Variants in RADX observed in about 807,000 individuals in gnomAD.
The protein encoded by RADX is RPA-related protein RADX.
RADX carries 36 observed loss-of-function variants against 61.6 expected under a neutral mutation model. The observed-to-expected ratio is 0.58, with a 90% CI of 0.45 to 0.77. The LOEUF (loss-of-function observed/expected upper bound fraction) is 0.77, where lower values mean the gene tolerates loss of function less well. Ranked by LOEUF, RADX falls within the 30% of genes least tolerant of loss-of-function variation. The probability of loss-of-function intolerance (pLI) is 0.00; values close to 1 mark genes in which losing one functional copy is unlikely to be tolerated. For missense variants in RADX, 497 were observed against 651.1 expected, an observed-to-expected ratio of 0.76 and a Z score of 2.58; for synonymous variants, 272 against 237.9, an observed-to-expected ratio of 1.14 and a Z score of -1.32.
At chrX:106,630,314 T>C (rs1289954485) in intron 3 of RADX, among the ~76,000 whole-genome samples, 1 of 96,723 alleles carries the variant, frequency 1.0e-5, no homozygotes. Flanking sequence ...GACAGAGCAA[T>C]ACCAACAACA....
intron 10 of RADX, among the ~76,000 whole-genome samples, chrX:106,646,722 T>A (rs1927667695): frequency 9.0e-6 from 1 of 111,181 alleles, no homozygotes; most frequent in Admixed American, 9.6e-5. Flanking sequence ...GCGTGAAGGT[T>A]TAAAGCACCA....
intron 11 of RADX, among the ~76,000 whole-genome samples, chrX:106,660,047 G>T (rs1203472575): frequency 1.8e-5 from 2 of 111,406 alleles, no homozygotes; most frequent in African/African-American, 6.5e-5. Context: ...GTTTAATATG[G>T]GTTAGATCAT....
chrX:106,639,793 TA>T (rs1927460058), intron 9 of RADX, 106 bp downstream of exon 9: 2 of 620,305 alleles, frequency 3.2e-6, no homozygotes, highest in African/African-American at 4.8e-5. Flanking sequence ...TGACTCTTAA[TA>T]ATGTAAGCCT....
intron 11 of RADX, among the ~76,000 whole-genome samples, chrX:106,659,715 G>A (rs965237420): frequency 9.0e-6 from 1 of 110,844 alleles, no homozygotes; most frequent in Non-Finnish European, 1.9e-5. Flanking sequence ...AATGTCTCCT[G>A]TATTGATTTC....
chrX:106,648,122 T>C (rs1927708028), intron 10 of RADX, among the ~76,000 whole-genome samples, 191 bp from the exon 11 acceptor site: 1 of 111,559 alleles, frequency 9.0e-6, no homozygotes, highest in African/African-American at 3.2e-5. Flanking sequence ...TCTATTGCAG[T>C]ATTTGAGTTG....
intron 11 of RADX, among the ~76,000 whole-genome samples, chrX:106,649,432 G>A (rs980214904): frequency 9.0e-6 from 1 of 111,549 alleles, no homozygotes; most frequent in African/African-American, 3.2e-5. Flanking sequence ...CTATTCTTCA[G>A]CTTGTCAGCT....
Position 106,648,401 on chromosome X carries a change from G to GTTA in RADX, c.1978+24_1978+26dup. 9.1e-7 allele frequency: 1 copy of GTTA among 1,098,307 alleles called. No individual in the cohort carries two copies. The highest frequency in any genetic ancestry group is 1.3e-6 in the Non-Finnish European group (1 of 797,425). 90.5% of individuals were successfully genotyped at this position (1,098,307 alleles called of 1,213,427 possible). ...CATCTTCAACCGTATGTTACTATTT[G>GTTA]TTATTATTATTTATGAAAACTTTAT... On this transcript the variant is annotated intron_variant, in intron 11 of 13. Coordinates refer to ENST00000372548, the MANE Select transcript of RADX (RefSeq NM_018015.6).
intron 1 of RADX, among the ~76,000 whole-genome samples, chrX:106,618,045 A>G (rs1266546271): frequency 8.9e-6 from 1 of 112,332 alleles, no homozygotes; most frequent in East Asian, 2.8e-4. Context: ...ATTGCATGCC[A>G]TGAAAATAAA....
At chrX:106,669,361 G>GA (rs3833423) in intron 13 of RADX, 31 bp downstream of exon 13, 55,475 of 730,972 alleles carry the variant, frequency 0.076, 1,973 homozygotes, top group African/African-American at 0.37. Context: ...TTTTCACTCA[G>GA]AAAAAAAAAA....
At chrX:106,645,556 T>G (rs778916523) in intron 10 of RADX, among the ~76,000 whole-genome samples, 1 of 111,933 alleles carries the variant, frequency 8.9e-6, no homozygotes, top group Non-Finnish European at 1.9e-5. Flanking sequence ...TGTATTTGTA[T>G]AGTTTCCAAA....
At chrX:106,655,913 G>A (rs182777084) in intron 11 of RADX, among the ~76,000 whole-genome samples, 243 of 111,726 alleles carry the variant, frequency 2.2e-3, no homozygotes, top group African/African-American at 7.7e-3. Flanking sequence ...TGAGGAATCG[G>A]CTTTGGCAGT....
chrX:106,645,303 GT>G (rs1927628665), intron 10 of RADX, among the ~76,000 whole-genome samples: 1 of 110,336 alleles, frequency 9.1e-6, no homozygotes, highest in African/African-American at 3.3e-5. Context: ...CTTTGGGTTT[GT>G]TTTGCTCTTG....
chrX:106,633,484 G>A (rs998536132), intron 6 of RADX, among the ~76,000 whole-genome samples: 1 of 111,195 alleles, frequency 9.0e-6, no homozygotes, highest in African/African-American at 3.3e-5. Context: ...CAGAAAACAG[G>A]TCCTCTTATC....
chrX:106,661,634 C>A (rs1928100548), intron 11 of RADX, among the ~76,000 whole-genome samples: 1 of 110,657 alleles, frequency 9.0e-6, no homozygotes, highest in African/African-American at 3.3e-5. Flanking sequence ...CAAATTTCCA[C>A]CAAGAGTGAG....
chrX:106,618,698 A>G (rs1300635434), intron 1 of RADX, among the ~76,000 whole-genome samples: 2 of 110,843 alleles, frequency 1.8e-5, no homozygotes, highest in Admixed American at 9.6e-5. Flanking sequence ...TACTTGGTGC[A>G]GGGGTGGAGT....
rs1928557667 is a variant in RADX, at chrX:106,678,254, C to A, written c.2564C>A (p.Ser855Tyr). The change falls in exon 14 of 14, where the codon TCT (serine) becomes TAT (tyrosine). Residue 855 changes from serine to tyrosine, a missense_variant. Ser to Tyr is a moderately radical substitution (Grantham distance 144). Coordinates refer to ENST00000372548, the MANE Select transcript of RADX (RefSeq NM_018015.6). ...LHKIYSPENTS is the reference protein window; with the variant it reads ...LHKIYSPENTY ...AAGATTTATAGTCCAGAGAATACTT[C>A]TTAAAAGTTAGCAAATGAAATTATT... 1 of 1,147,151 alleles carries A rather than the reference C, an allele frequency of 8.7e-7. No individual in the cohort carries two copies. Among genetic ancestry groups the A allele is most frequent in the African/African-American group, 1.8e-5 (1 of 56,528 alleles). The allele number at this position is 1,147,151 out of a possible 1,213,427, so 94.5% of individuals were successfully genotyped here. A position where few individuals can be genotyped will look rare whatever the true frequency, so the allele number is the denominator to read the frequency against.
intron 11 of RADX, among the ~76,000 whole-genome samples, chrX:106,651,803 G>GA (rs1927799364): frequency 9.1e-6 from 1 of 109,526 alleles, no homozygotes; most frequent in African/African-American, 3.3e-5. Context: ...AAGCAGCACA[G>GA]AAAAAAAGGG....
At chrX:106,643,089 G>A (rs1355980653) in intron 10 of RADX, among the ~76,000 whole-genome samples, 1 of 110,961 alleles carries the variant, frequency 9.0e-6, no homozygotes, top group African/African-American at 3.3e-5. Context: ...CAGTGATGTT[G>A]AGCACCTTTT....
In RADX at chrX:106,635,470, G is replaced by A. The variant is rs1927337441; in HGVS notation, c.1304-1073G>A. Among the ~76,000 whole-genome samples, 2 of 111,017 alleles carry A rather than the reference G, an allele frequency of 1.8e-5. 1 individual carries two copies. Among genetic ancestry groups the A allele is most frequent in the Admixed American group, 1.9e-4 (2 of 10,397 alleles). On this transcript the variant is annotated intron_variant, in intron 6 of 13. Transcript: ENST00000372548. ...TCTACTGGCTTAACATATTTTAGAGGTTTCTTTAATATTCCTGTATCAACA... is the reference window on the plus strand; with the variant it reads ...TCTACTGGCTTAACATATTTTAGAGATTTCTTTAATATTCCTGTATCAACA...
Sources: allele counts gnomAD v4.1 joint callset (sites outside exome capture counted in the v4.1 genomes callset), GRCh38; gene constraint gnomAD v4.1.1; transcripts MANE v1.5; gene names NCBI Gene and HGNC (gene_info 2026-07-23, HGNC 2026-07-21).